MLIP: variants seen among roughly 807,000 people sequenced by gnomAD.
MLIP encodes the protein muscular LMNA interacting protein.
In MLIP, 79 loss-of-function variants were observed where a neutral mutation model predicts 84.8. That is an observed-to-expected ratio of 0.93 (90% CI 0.78 to 1.12). The LOEUF (loss-of-function observed/expected upper bound fraction) is 1.12. Ranked by LOEUF, MLIP falls within the 50% of genes most tolerant of loss-of-function variation. The pLI is 0.00. For synonymous variants in MLIP, 504 were observed against 463.0 expected (o/e 1.09, Z -1.14); for missense variants, 1,257 against 1,160.6 (o/e 1.08, Z -1.21).
chr6:54,226,152 C>T (rs920935757), intron 11 of MLIP, among the ~76,000 whole-genome samples: 5 of 152,150 alleles, frequency 3.3e-5, no homozygotes, highest in African/African-American at 4.8e-5. Flanking sequence ...TAGCTATCCC[C>T]AAATTCATAT....
At chr6:54,030,994 T>C (rs889942578) in intron 1 of MLIP, among the ~76,000 whole-genome samples, 2 of 152,134 alleles carry the variant, frequency 1.3e-5, no homozygotes, top group African/African-American at 4.8e-5. Context: ...TAGTGGACAG[T>C]ATTTTCCTTT....
intron 9 of MLIP, among the ~76,000 whole-genome samples, chr6:54,179,707 C>A (rs950045815): frequency 1.3e-5 from 2 of 152,086 alleles, no homozygotes; most frequent in Non-Finnish European, 2.9e-5. Context: ...TACACTTTAA[C>A]TTCATGTCCC....
At chr6:54,219,018 A>T (rs1262066684) in intron 11 of MLIP, among the ~76,000 whole-genome samples, 5 of 151,582 alleles carry the variant, frequency 3.3e-5, no homozygotes, top group Admixed American at 3.3e-4. Flanking sequence ...CCTGGCTAAC[A>T]TGGTGAAACC....
chr6:54,257,962 C>T (rs1783123870), intron 13 of MLIP, among the ~76,000 whole-genome samples: 1 of 151,942 alleles, frequency 6.6e-6, no homozygotes, highest in Admixed American at 6.6e-5. Flanking sequence ...TAAAAAAATG[C>T]TATACCACAG....
chr6:54,266,026 TTTAAC>T lies in MLIP; in HGVS notation c.*74_*78del. 6.6e-7 allele frequency: 1 copy of T among 1,515,038 alleles called. No individual in the cohort carries two copies. Among genetic ancestry groups the T allele is most frequent in the African/African-American group, 1.6e-5 (1 of 62,406 alleles). The allele number at this position is 1,515,038 out of a possible 1,614,324, so 93.8% of individuals were successfully genotyped here. A position where few individuals can be genotyped will look rare whatever the true frequency, so the allele number is the denominator to read the frequency against. On this transcript the variant is annotated 3_prime_UTR_variant, in exon 14 of 14. Coordinates refer to ENST00000502396, the MANE Select transcript of MLIP (RefSeq NM_001281747.2). ...ATGCTGGTGCTAACCACTTGCTAGA[TTTAAC>T]TTTTTTTTTTTTTTCCAGAATGAGT...
At chr6:54,107,043 A>T (rs900920130), upstream of MLIP, among the ~76,000 whole-genome samples, 2 of 152,196 alleles carry the variant, frequency 1.3e-5, no homozygotes, top group Admixed American at 6.5e-5. Context: ...ACAAGGAGAG[A>T]GTGAACCACA....
intron 11 of MLIP, among the ~76,000 whole-genome samples, chr6:54,213,005 G>A (rs999704911): frequency 1.3e-5 from 2 of 152,124 alleles, no homozygotes; most frequent in South Asian, 4.1e-4. Context: ...AGGTGAACAT[G>A]TCTTTGCACT....
At chr6:54,160,465 T>A (rs750078895) in intron 6 of MLIP, 33 bp downstream of exon 6, 26 of 1,611,514 alleles carry the variant, frequency 1.6e-5, no homozygotes, top group Non-Finnish European at 2.0e-5. Context: ...GCTTTTGGTA[T>A]GCAATTCCAA....
intron 1 of MLIP, among the ~76,000 whole-genome samples, chr6:54,054,146 T>C (rs1765516561): frequency 6.6e-6 from 1 of 152,180 alleles, no homozygotes. Flanking sequence ...TAGCAACCCA[T>C]TAAAAAGGCT....
At position 54,120,244 on chromosome 6, in the gene MLIP, T is replaced by A. The variant is rs529650545; in HGVS notation, c.97-1203T>A. On this transcript the variant is annotated intron_variant, in intron 1 of 13. Transcript: ENST00000502396. ...GGCTTGCGACTTCTTTTTTTTATTT[T>A]TTTTTTTTGAGACGGAGTCTCGCTC... is the stretch of plus-strand genomic sequence containing the variant. 3.5e-3 allele frequency among the ~76,000 whole-genome samples: 526 copies of A among 152,184 alleles called. 3 individuals carry two copies. Among genetic ancestry groups the A allele is most frequent in the African/African-American group, 6.1e-3 (253 of 41,562 alleles).
At chr6:54,207,225 G>A (rs556722064) in intron 11 of MLIP, among the ~76,000 whole-genome samples, 13 of 151,688 alleles carry the variant, frequency 8.6e-5, no homozygotes, top group Non-Finnish European at 1.9e-4. Context: ...AGATGTAATA[G>A]ACAATTTAGC....
chr6:54,218,295 T>G (rs994802195), intron 11 of MLIP, among the ~76,000 whole-genome samples: 17 of 152,280 alleles, frequency 1.1e-4, no homozygotes, highest in Non-Finnish European at 1.9e-4. Context: ...CTGGAAGCAA[T>G]TGTAACACAA....
intron 1 of MLIP, among the ~76,000 whole-genome samples, chr6:54,095,077 T>G (rs1219799948): frequency 6.6e-6 from 1 of 152,178 alleles, no homozygotes; most frequent in Non-Finnish European, 1.5e-5. Flanking sequence ...CCAGCAAAGA[T>G]AGCCATCTCT....
In MLIP at chr6:54,111,470, T is replaced by C; in HGVS notation, c.-10T>C. 2.0e-6 allele frequency: 3 copies of C among 1,536,014 alleles called. No individual in the cohort carries two copies. The South Asian group carries it at 3.6e-5, about 18-fold the overall frequency. On this transcript the variant is annotated 5_prime_UTR_variant, in exon 1 of 14. It removes the in-frame stop codon of an upstream open reading frame in the 5' UTR. Transcript: ENST00000502396. ...TCATTGGTTTGCTCGCTCCCTTATG[T>C]GATGAATCAATGCTTTCAGAACAGG...
At chr6:54,128,580 AG>A (rs1293344553) in intron 3 of MLIP, among the ~76,000 whole-genome samples, 1 of 152,142 alleles carries the variant, frequency 6.6e-6, no homozygotes, top group Non-Finnish European at 1.5e-5. Flanking sequence ...TCTTGAAATA[AG>A]GAGGTCATTT....
At chr6:54,159,666 G>A (rs1400151434) in intron 5 of MLIP, among the ~76,000 whole-genome samples, 2 of 152,088 alleles carry the variant, frequency 1.3e-5, no homozygotes, top group African/African-American at 4.8e-5. Flanking sequence ...AGAGAAGAGT[G>A]TAAGGTCATA....
chr6:54,226,764 T>A (rs1312804627), intron 11 of MLIP, among the ~76,000 whole-genome samples: 1 of 151,872 alleles, frequency 6.6e-6, no homozygotes, highest in Non-Finnish European at 1.5e-5. Context: ...AACAGAATAC[T>A]AAAAAAATAA....
chr6:54,172,648 C>T (rs1470790959), intron 9 of MLIP, among the ~76,000 whole-genome samples: 3 of 150,140 alleles, frequency 2.0e-5, no homozygotes, highest in Non-Finnish European at 4.4e-5. Context: ...AATAAAATAA[C>T]AAGAAAGTGT....
intron 13 of MLIP, among the ~76,000 whole-genome samples, chr6:54,261,398 G>T (rs1490791319): frequency 6.6e-6 from 1 of 151,952 alleles, no homozygotes; most frequent in African/African-American, 2.4e-5. Flanking sequence ...GATGCATTTG[G>T]TTCTGACCTT....
Sources: gnomAD v4.1 joint callset for allele counts (sites outside exome capture counted in the v4.1 genomes callset) on GRCh38, gnomAD v4.1.1 for gene constraint, MANE v1.5 for transcripts, NCBI Gene and HGNC (gene_info 2026-07-23, HGNC 2026-07-21) for gene names.